CSMD1: variants seen among roughly 807,000 people sequenced by gnomAD.
The protein encoded by CSMD1 is CUB and Sushi multiple domains 1, also known as CUB and sushi domain-containing protein 1.
A neutral mutation model predicts 417.5 loss-of-function variants in CSMD1; 213 were observed. The ratio of observed to expected loss-of-function variants is 0.51; its 90% CI spans 0.46 to 0.57. The LOEUF is 0.57. CSMD1 is among the 20% of genes least tolerant of loss of function. The pLI, the probability that CSMD1 is intolerant of heterozygous loss-of-function variation, is 0.00. For missense variants in CSMD1, 6,923 were observed against 4,529.7 expected (o/e 1.53, Z -15.17); for synonymous variants, 2,862 against 1,736.8 (o/e 1.65, Z -16.11).
intron 12 of CSMD1, among the ~76,000 whole-genome samples, chr8:3,421,607 C>A (rs755776927): frequency 2.6e-5 from 4 of 152,098 alleles, no homozygotes; most frequent in African/African-American, 4.8e-5. Context: ...TAAAAAAAAT[C>A]CCCAGATTTC....
intron 1 of CSMD1, among the ~76,000 whole-genome samples, chr8:4,637,968 C>G (rs1347567894): frequency 4.6e-5 from 7 of 152,082 alleles, no homozygotes; most frequent in Non-Finnish European, 1.0e-4. Context: ...CCGCGCCCGG[C>G]CTAGCCAATT....
At chr8:3,263,329 C>T (rs572792388) in intron 26 of CSMD1, among the ~76,000 whole-genome samples, 4 of 152,296 alleles carry the variant, frequency 2.6e-5, no homozygotes, top group East Asian at 1.9e-4. Context: ...GAACTCCTGG[C>T]CTCAAGTGAT....
intron 3 of CSMD1, among the ~76,000 whole-genome samples, chr8:4,279,329 C>G (rs1306190871): frequency 6.6e-6 from 1 of 152,166 alleles, no homozygotes; most frequent in Non-Finnish European, 1.5e-5. Context: ...CAGTCACACA[C>G]AAGACTAGAC....
intron 7 of CSMD1, among the ~76,000 whole-genome samples, chr8:3,666,569 A>G (rs918069523): frequency 4.6e-5 from 7 of 152,238 alleles, no homozygotes; most frequent in African/African-American, 1.4e-4. Flanking sequence ...GTCCCCACCC[A>G]AATCTCATCT....
chr8:4,829,050 C>T (rs1394502538), intron 1 of CSMD1, among the ~76,000 whole-genome samples: 1 of 152,084 alleles, frequency 6.6e-6, no homozygotes, highest in Admixed American at 6.5e-5. Context: ...GTAATGATAA[C>T]TTAATAGGTT....
At chr8:3,301,256 G>T (rs189623132) in intron 25 of CSMD1, among the ~76,000 whole-genome samples, 2 of 152,146 alleles carry the variant, frequency 1.3e-5, no homozygotes, top group African/African-American at 4.8e-5. Flanking sequence ...TTTGCAGGGT[G>T]GTCAGTGGAA....
At chr8:4,201,681 G>C (rs542850296) in intron 3 of CSMD1, among the ~76,000 whole-genome samples, 8 of 151,168 alleles carry the variant, frequency 5.3e-5, no homozygotes, top group Non-Finnish European at 8.8e-5. Flanking sequence ...ATTTACTCAA[G>C]TGTTATACCT....
intron 1 of CSMD1, among the ~76,000 whole-genome samples, chr8:4,656,158 G>C (rs1804216607): frequency 6.6e-6 from 1 of 152,036 alleles, no homozygotes; most frequent in Non-Finnish European, 1.5e-5. Flanking sequence ...GGATTAAAGG[G>C]AATGAGGGAA....
chr8:4,060,151 A>G (rs1034519275), intron 3 of CSMD1, among the ~76,000 whole-genome samples: 14 of 152,204 alleles, frequency 9.2e-5, no homozygotes, highest in African/African-American at 2.9e-4. Flanking sequence ...ATACAAATCA[A>G]TAAATGTAAT....
intron 1 of CSMD1, among the ~76,000 whole-genome samples, chr8:4,669,709 C>G (rs1197611551): frequency 2.0e-5 from 3 of 152,082 alleles, no homozygotes; most frequent in African/African-American, 4.8e-5. Flanking sequence ...TCTGCTGTTT[C>G]TTTTCTTAAA....
At chr8:4,084,850 A>G (rs1800336116) in intron 3 of CSMD1, among the ~76,000 whole-genome samples, 1 of 152,018 alleles carries the variant, frequency 6.6e-6, no homozygotes, top group African/African-American at 2.4e-5. Flanking sequence ...TTGAAGAAGA[A>G]TGACAAAAGC....
At chr8:4,040,805 T>G (rs191948271) in intron 3 of CSMD1, among the ~76,000 whole-genome samples, 1 of 152,250 alleles carries the variant, frequency 6.6e-6, no homozygotes, top group Admixed American at 6.5e-5. Context: ...TCAAAAGATT[T>G]TTAATAGCAC....
chr8:3,595,862 G>A (rs940666424), intron 8 of CSMD1, among the ~76,000 whole-genome samples: 6 of 152,186 alleles, frequency 3.9e-5, no homozygotes, highest in African/African-American at 4.8e-5. Flanking sequence ...CTGTGTGAAC[G>A]TGGAAGAGGG....
intron 69 of CSMD1, among the ~76,000 whole-genome samples, chr8:2,939,063 C>A (rs1188295518): frequency 6.6e-6 from 1 of 152,206 alleles, no homozygotes; most frequent in Non-Finnish European, 1.5e-5. Context: ...CTCTTGGGCT[C>A]AGGCGATCCT....
At chr8:4,895,259 T>A in intron 1 of CSMD1, among the ~76,000 whole-genome samples, 1 of 152,182 alleles carries the variant, frequency 6.6e-6, no homozygotes, top group East Asian at 1.9e-4. Flanking sequence ...GAACAATTTC[T>A]GACTCAGGTG....
intron 2 of CSMD1, among the ~76,000 whole-genome samples, chr8:4,584,480 G>T (rs538611909): frequency 1.3e-5 from 2 of 152,032 alleles, no homozygotes; most frequent in African/African-American, 4.8e-5. Flanking sequence ...AAAGAAACGG[G>T]TGTCAGGCTT....
chr8:3,799,428 G>C (rs117667691), intron 5 of CSMD1, among the ~76,000 whole-genome samples: 2,001 of 121,612 alleles, frequency 0.016, 45 homozygotes, highest in South Asian at 0.045. Flanking sequence ...CTTAGTGTGT[G>C]ATGTTCCCCT....
At chr8:4,132,427 C>G (rs1263262444) in intron 3 of CSMD1, among the ~76,000 whole-genome samples, 1 of 151,990 alleles carries the variant, frequency 6.6e-6, no homozygotes, top group African/African-American at 2.4e-5. Context: ...CCCATAGAAA[C>G]TATTTTTATT....
intron 12 of CSMD1, among the ~76,000 whole-genome samples, chr8:3,422,298 A>G (rs1041438267): frequency 2.0e-5 from 3 of 152,190 alleles, no homozygotes; most frequent in Non-Finnish European, 2.9e-5. Context: ...ATCAATGCTC[A>G]GCCAATAATT....
Sources: gnomAD v4.1 joint callset for allele counts (sites outside exome capture counted in the v4.1 genomes callset) on GRCh38, gnomAD v4.1.1 for gene constraint, MANE v1.5 for transcripts, NCBI Gene and HGNC (gene_info 2026-07-23, HGNC 2026-07-21) for gene names.